DCC: variants seen among roughly 807,000 people sequenced by gnomAD.
DCC encodes DCC netrin 1 receptor, also known as netrin receptor DCC.
DCC carries 58 observed loss-of-function variants against 172.5 expected under a neutral mutation model. The ratio of observed to expected loss-of-function variants is 0.34; its 90% CI spans 0.27 to 0.42. The LOEUF is 0.42. Ranked by LOEUF, DCC falls within the 10% of genes least tolerant of loss-of-function variation. The pLI, the probability that DCC is intolerant of heterozygous loss-of-function variation, is 1.00. For synonymous variants in DCC, 709 were observed against 644.5 expected (o/e 1.10, Z -1.52); for missense variants, 1,740 against 1,791.0 (o/e 0.97, Z 0.51).
At chr18:52,822,509 A>AT (rs2038424589) in intron 2 of DCC, among the ~76,000 whole-genome samples, 1 of 152,222 alleles carries the variant, frequency 6.6e-6, no homozygotes, top group African/African-American at 2.4e-5. Context: ...AAGGAAACTA[A>AT]CATACCAGAA....
intron 15 of DCC, among the ~76,000 whole-genome samples, chr18:53,378,241 G>A (rs2144974320): frequency 6.6e-6 from 1 of 152,250 alleles, no homozygotes; most frequent in East Asian, 1.9e-4. Context: ...AATTACAGGT[G>A]TGAGCCCGAC....
chr18:52,863,850 G>A (rs368278638), intron 2 of DCC, among the ~76,000 whole-genome samples: 1 of 145,604 alleles, frequency 6.9e-6, no homozygotes, highest in South Asian at 2.1e-4. Flanking sequence ...ATAAAAGCAA[G>A]GACCTTAAAG....
intron 1 of DCC, among the ~76,000 whole-genome samples, chr18:52,585,952 G>A (rs2033661694): frequency 2.0e-5 from 3 of 151,834 alleles, no homozygotes; most frequent in South Asian, 2.1e-4. Context: ...GAGTCTTGGC[G>A]GGCCCCTGTA....
intron 16 of DCC, among the ~76,000 whole-genome samples, chr18:53,388,739 A>G (rs965722369): frequency 1.3e-5 from 2 of 152,256 alleles, no homozygotes; most frequent in Non-Finnish European, 2.9e-5. Flanking sequence ...TGCTTTATCA[A>G]TGTTAAAATG....
At chr18:52,424,452 C>T (rs1047958720) in intron 1 of DCC, among the ~76,000 whole-genome samples, 5 of 152,132 alleles carry the variant, frequency 3.3e-5, no homozygotes, top group African/African-American at 1.2e-4. Flanking sequence ...GTAGGGGAAG[C>T]ACAAGTGCTA....
At chr18:52,811,782 T>G (rs2145250725) in intron 2 of DCC, among the ~76,000 whole-genome samples, 1 of 152,322 alleles carries the variant, frequency 6.6e-6, no homozygotes, top group African/African-American at 2.4e-5. Context: ...TGCTTCAAAC[T>G]TAGCTCTAAT....
chr18:52,372,850 G>T (rs984290649), intron 1 of DCC, among the ~76,000 whole-genome samples: 65 of 152,266 alleles, frequency 4.3e-4, no homozygotes, highest in African/African-American at 1.5e-3. Context: ...CTTAGAGGAT[G>T]AAATAACAAA....
At chr18:53,406,120 C>A (rs1211613578) in intron 19 of DCC, among the ~76,000 whole-genome samples, 1 of 152,162 alleles carries the variant, frequency 6.6e-6, no homozygotes, top group Non-Finnish European at 1.5e-5. Flanking sequence ...GAGACTAACA[C>A]AAATAGAAGA....
intron 15 of DCC, among the ~76,000 whole-genome samples, chr18:53,354,523 G>A (rs2057854008): frequency 6.6e-6 from 1 of 152,128 alleles, no homozygotes; most frequent in Non-Finnish European, 1.5e-5. Context: ...GTGATGATGA[G>A]CATTTCTTCA....
intron 22 of DCC, among the ~76,000 whole-genome samples, chr18:53,449,376 C>T (rs2045377235): frequency 6.6e-6 from 1 of 152,216 alleles, no homozygotes; most frequent in Admixed American, 6.5e-5. Context: ...TAACTCATCA[C>T]AGATGTCTTA....
chr18:52,973,900 C>T (rs2041069930), intron 5 of DCC, among the ~76,000 whole-genome samples: 1 of 152,038 alleles, frequency 6.6e-6, no homozygotes, highest in Non-Finnish European at 1.5e-5. Context: ...TTCGGTAGAT[C>T]AAAGAAGATT....
At chr18:53,385,998 A>G (rs1209271425) in intron 15 of DCC, 45 bp from the exon 16 acceptor site, 1 of 1,263,822 alleles carries the variant, frequency 7.9e-7, no homozygotes, top group Non-Finnish European at 1.2e-6. Flanking sequence ...ATTTTGATAC[A>G]TTAAATATAT....
chr18:53,488,899 C>G (rs1175050859), intron 26 of DCC, among the ~76,000 whole-genome samples: 1 of 151,994 alleles, frequency 6.6e-6, no homozygotes, highest in East Asian at 1.9e-4. Context: ...TGGCTCATGC[C>G]TGTATTCCCA....
At chr18:53,530,153 C>A in intron 28 of DCC, 1 of 602,064 alleles carries the variant, frequency 1.7e-6, no homozygotes, top group South Asian at 2.0e-5. Context: ...TATGCCAGAC[C>A]CTATCATGGG....
intron 27 of DCC, among the ~76,000 whole-genome samples, chr18:53,502,892 A>C (rs1598815718): frequency 6.6e-6 from 1 of 151,926 alleles, no homozygotes; most frequent in Non-Finnish European, 1.5e-5. Context: ...TGTGCAGGAC[A>C]TGCAGGTTTG....
At chr18:52,858,869 G>A (rs1245621414) in intron 2 of DCC, among the ~76,000 whole-genome samples, 1 of 152,162 alleles carries the variant, frequency 6.6e-6, no homozygotes, top group East Asian at 1.9e-4. Flanking sequence ...TGGAGTTTCA[G>A]GGAAGCCAAA....
intron 1 of DCC, among the ~76,000 whole-genome samples, chr18:52,483,996 T>C (rs776404191): frequency 5.3e-5 from 8 of 152,126 alleles, no homozygotes; most frequent in Non-Finnish European, 1.2e-4. Context: ...GCTCTTTCTG[T>C]TCTCTGAATG....
chr18:53,187,701 A>G (rs2055304260), intron 9 of DCC, among the ~76,000 whole-genome samples: 1 of 152,198 alleles, frequency 6.6e-6, no homozygotes, highest in Non-Finnish European at 1.5e-5. Flanking sequence ...AGTCAATAAT[A>G]TGACTTTAGC....
chr18:52,529,547 C>T (rs1422897502), intron 1 of DCC, among the ~76,000 whole-genome samples: 1 of 152,214 alleles, frequency 6.6e-6, no homozygotes, highest in Non-Finnish European at 1.5e-5. Flanking sequence ...GCCTCGGCCT[C>T]CCAAAGTGCT....
Sources: gnomAD v4.1 joint callset for allele counts (sites outside exome capture counted in the v4.1 genomes callset) on GRCh38, gnomAD v4.1.1 for gene constraint, MANE v1.5 for transcripts, NCBI Gene and HGNC (gene_info 2026-07-23, HGNC 2026-07-21) for gene names.